The following ALK variants were observed in gnomAD, a reference collection of about 807,000 sequenced individuals.
ALK encodes the protein ALK tyrosine kinase receptor.
In ALK, 74 loss-of-function variants were observed where a neutral mutation model predicts 163.1. That is an observed-to-expected ratio of 0.45 (90% CI 0.38 to 0.55). The LOEUF (loss-of-function observed/expected upper bound fraction) is 0.55, where lower values mean the gene tolerates loss of function less well. Ranked by LOEUF, ALK falls within the 20% of genes least tolerant of loss-of-function variation. ALK has a pLI of 0.00. For synonymous variants in ALK, 960 were observed against 843.2 expected (o/e 1.14, Z -2.40); for missense variants, 2,063 against 2,105.3 (o/e 0.98, Z 0.39).
Position 29,831,079 on chromosome 2 carries a change from AG to A in ALK, c.667+88913del, listed in dbSNP as rs1665385852. ...GAGGAAGGGGAGGAAGGGGAGGAGG[AG>A]GAGGAGGAGGAGGAGGAGGAGGAGG... On this transcript the variant is annotated intron_variant, in intron 1 of 28. Transcript: ENST00000389048. Among the ~76,000 whole-genome samples, 2 of 10,572 alleles carry A rather than the reference AG, an allele frequency of 1.9e-4. 1 individual carries two copies. The highest frequency in any genetic ancestry group is 5.3e-4 in the African/African-American group (2 of 3,778). 6.9% of individuals were successfully genotyped at this position (10,572 alleles called of 152,430 possible).
At chr2:29,731,542 G>T (rs1409623280) in intron 1 of ALK, among the ~76,000 whole-genome samples, 2 of 152,150 alleles carry the variant, frequency 1.3e-5, no homozygotes, top group East Asian at 3.9e-4. Context: ...GGCAGCATCG[G>T]GACAGGATGA....
intron 5 of ALK, among the ~76,000 whole-genome samples, chr2:29,362,166 G>T (rs577705294): frequency 1.3e-5 from 2 of 152,130 alleles, no homozygotes; most frequent in African/African-American, 2.4e-5. Flanking sequence ...AGAGAACAGG[G>T]GGAAAGAAGG....
rs1664028012 is a variant in ALK, at chr2:29,227,178, C to T, written c.2915-104G>A. 6.8e-7 allele frequency: 1 copy of T among 1,475,976 alleles called. No homozygotes were observed. The highest frequency in any genetic ancestry group is 9.4e-7 in the Non-Finnish European group (1 of 1,059,198). 91.4% of individuals were successfully genotyped at this position (1,475,976 alleles called of 1,614,324 possible). A position where few individuals can be genotyped will look rare whatever the true frequency, so the allele number is the denominator to read the frequency against. On this transcript the variant is annotated intron_variant, in intron 17 of 28. Coordinates refer to ENST00000389048, the MANE Select transcript of ALK (RefSeq NM_004304.5). The surrounding 1 kb of genome is among the most constrained non-coding windows in gnomAD (Gnocchi z 4.4). ...GTCACTGTGGGTGCTCTGGTGGTCCCTGTTCCTAGGTCCCATAGCCACTGG... is the reference window on the plus strand; with the variant it reads ...GTCACTGTGGGTGCTCTGGTGGTCCTTGTTCCTAGGTCCCATAGCCACTGG...
intron 1 of ALK, chr2:29,890,639 A>G (rs1667118767): frequency 6.6e-6 from 1 of 152,186 alleles, no homozygotes; most frequent in Non-Finnish European, 1.5e-5. Flanking sequence ...TTCTCTCTCC[A>G]CGGCCCCTCT....
chr2:29,276,111 C>A (rs529457584), intron 9 of ALK, among the ~76,000 whole-genome samples: 3 of 152,176 alleles, frequency 2.0e-5, no homozygotes, highest in Admixed American at 1.3e-4. Context: ...CCCAATTAAC[C>A]AGCACCCATA....
intron 1 of ALK, among the ~76,000 whole-genome samples, chr2:29,886,742 A>G (rs1042125521): frequency 6.6e-6 from 1 of 152,262 alleles, no homozygotes; most frequent in African/African-American, 2.4e-5. Context: ...CCTCAGTTCC[A>G]TCATTTACAA....
At chr2:29,352,402 G>A (rs918247409) in intron 5 of ALK, among the ~76,000 whole-genome samples, 8 of 152,208 alleles carry the variant, frequency 5.3e-5, no homozygotes, top group Admixed American at 6.5e-5. Flanking sequence ...ACGTGGTCAC[G>A]AAAGAAGTGC....
chr2:29,507,384 G>A (rs1672363140), intron 4 of ALK, among the ~76,000 whole-genome samples: 1 of 152,140 alleles, frequency 6.6e-6, no homozygotes, highest in Non-Finnish European at 1.5e-5. Context: ...AGGGGGAAGT[G>A]GGGAACTATT....
chr2:29,640,447 C>T (rs904126443), intron 3 of ALK, among the ~76,000 whole-genome samples: 1 of 152,144 alleles, frequency 6.6e-6, no homozygotes, highest in Non-Finnish European at 1.5e-5. Context: ...CTTGCTTCTG[C>T]TCTGGCCAAG....
At chr2:29,845,594 C>T (rs1665822752) in intron 1 of ALK, among the ~76,000 whole-genome samples, 1 of 152,140 alleles carries the variant, frequency 6.6e-6, no homozygotes, top group Admixed American at 6.5e-5. Flanking sequence ...GCCATCATGA[C>T]CGGCCAATTT....
At chr2:29,430,509 T>C (rs1309413500) in intron 4 of ALK, among the ~76,000 whole-genome samples, 3 of 151,850 alleles carry the variant, frequency 2.0e-5, no homozygotes, top group Admixed American at 6.6e-5. Context: ...AAAACAACCA[T>C]AGAAAATACG....
chr2:29,724,590 G>GT (rs1194104595), intron 1 of ALK, among the ~76,000 whole-genome samples: 1 of 152,204 alleles, frequency 6.6e-6, no homozygotes, highest in Non-Finnish European at 1.5e-5. Context: ...AAACAGAGAT[G>GT]TGATTTCAGA....
intron 1 of ALK, among the ~76,000 whole-genome samples, chr2:29,847,799 A>G (rs1665884207): frequency 6.6e-6 from 1 of 151,926 alleles, no homozygotes; most frequent in Non-Finnish European, 1.5e-5. Flanking sequence ...GGGTAAAAAA[A>G]GAGAGAAAGG....
intron 1 of ALK, among the ~76,000 whole-genome samples, chr2:29,730,495 A>G (rs1256624171): frequency 1.3e-5 from 2 of 152,168 alleles, no homozygotes; most frequent in Non-Finnish European, 2.9e-5. Flanking sequence ...ATAGAGTTCT[A>G]TCTCTGTGGC....
chr2:29,486,406 T>C (rs1015651123), intron 4 of ALK, among the ~76,000 whole-genome samples: 1 of 152,202 alleles, frequency 6.6e-6, no homozygotes, highest in Admixed American at 6.5e-5. Flanking sequence ...TCATAAATGT[T>C]AAAGAGAAAA....
intron 27 of ALK, 43 bp downstream of exon 27, chr2:29,197,499 A>G (rs752455677): frequency 6.2e-7 from 1 of 1,608,342 alleles, no homozygotes; most frequent in South Asian, 1.1e-5. Context: ...TGAAAAGAAA[A>G]ACTGCTTAGT....
At chr2:29,554,173 T>C (rs771331313) in intron 3 of ALK, among the ~76,000 whole-genome samples, 2 of 152,212 alleles carry the variant, frequency 1.3e-5, no homozygotes, top group African/African-American at 4.8e-5. Flanking sequence ...TGTAAAGGTA[T>C]ACCTTGCTTT....
intron 3 of ALK, among the ~76,000 whole-genome samples, chr2:29,588,708 G>A (rs1674962321): frequency 6.6e-6 from 1 of 152,190 alleles, no homozygotes; most frequent in South Asian, 2.1e-4. Context: ...TGTGGAGAAG[G>A]TGGCCACAGA....
intron 5 of ALK, among the ~76,000 whole-genome samples, chr2:29,351,734 T>A (rs189148419): frequency 5.6e-4 from 85 of 152,194 alleles, no homozygotes; most frequent in African/African-American, 1.9e-3. Context: ...GTGGGCCAGG[T>A]ATAATTCAGT....
Sources: allele counts gnomAD v4.1 joint callset (sites outside exome capture counted in the v4.1 genomes callset), GRCh38; gene constraint gnomAD v4.1.1; non-coding constraint Gnocchi (gnomAD v3.1); transcripts MANE v1.5; gene names NCBI Gene and HGNC (gene_info 2026-07-23, HGNC 2026-07-21).